WBP1L: variants seen among roughly 807,000 people sequenced by gnomAD.
WBP1L encodes the protein WW domain binding protein 1 like.
WBP1L carries 17 observed loss-of-function variants against 33.7 expected under a neutral mutation model. The ratio of observed to expected loss-of-function variants is 0.50; its 90% CI spans 0.34 to 0.76. The LOEUF (loss-of-function observed/expected upper bound fraction) is 0.76. Ranked by LOEUF, WBP1L falls within the 30% of genes least tolerant of loss-of-function variation. The probability of loss-of-function intolerance (pLI) is 0.01; values close to 1 mark genes in which losing one functional copy is unlikely to be tolerated. For synonymous variants in WBP1L, 173 were observed against 190.8 expected, an observed-to-expected ratio of 0.91 and a Z score of 0.77; for missense variants, 389 against 469.4, an observed-to-expected ratio of 0.83 and a Z score of 1.58.
At chr10:102,750,366 G>A (rs1446329142) in intron 1 of WBP1L, among the ~76,000 whole-genome samples, 1 of 151,532 alleles carries the variant, frequency 6.6e-6, no homozygotes, top group Non-Finnish European at 1.5e-5. Flanking sequence ...CTGCACTCCA[G>A]TCTGGGCGAT....
At chr10:102,781,083 G>T (rs1258491242) in intron 1 of WBP1L, among the ~76,000 whole-genome samples, 2 of 152,192 alleles carry the variant, frequency 1.3e-5, no homozygotes, top group African/African-American at 4.8e-5. Context: ...GGCCCAAGGG[G>T]CTGTTTGTAT....
intron 1 of WBP1L, among the ~76,000 whole-genome samples, chr10:102,780,354 G>A (rs1400252419): frequency 6.6e-6 from 1 of 152,136 alleles, no homozygotes; most frequent in Admixed American, 6.5e-5. Flanking sequence ...TTTATTATCT[G>A]ACAAGATCAG....
intron 2 of WBP1L, among the ~76,000 whole-genome samples, chr10:102,801,801 C>G (rs909270820): frequency 4.6e-5 from 7 of 152,112 alleles, no homozygotes; most frequent in African/African-American, 1.7e-4. Context: ...CCTGTCAGTG[C>G]TGCCCAACTC....
At position 102,813,091 on chromosome 10, in the gene WBP1L, C is replaced by T. The variant is rs561181419; in HGVS notation, c.852C>T (p.Asp284=). The T allele has an allele frequency of 1.5e-5, 24 of 1,613,900 alleles. No homozygotes were observed. In the South Asian group the frequency reaches 1.5e-4, roughly 10 times the overall value. ...GTGTGTGCAACCGGGGCCACCATGACGATGACCTCAAAGAGTTCAACACAC... is the reference window on the plus strand; with the variant it reads ...GTGTGTGCAACCGGGGCCACCATGATGATGACCTCAAAGAGTTCAACACAC... ...EVCVCNRGHH[D]DDLKEFNTLI... The change falls in exon 4 of 4, where the codon GAC becomes GAT. Residue 284 remains aspartate, a synonymous_variant. Transcript: ENST00000448841.
intron 1 of WBP1L, among the ~76,000 whole-genome samples, chr10:102,761,149 CT>C (rs1224781440): frequency 1.1e-5 from 1 of 91,722 alleles, no homozygotes; most frequent in African/African-American, 4.0e-5. Flanking sequence ...CTTTTCTTTT[CT>C]TTTTTTTGAG....
chr10:102,775,809 A>G (rs1380746525), intron 1 of WBP1L, among the ~76,000 whole-genome samples: 1 of 152,168 alleles, frequency 6.6e-6, no homozygotes, highest in African/African-American at 2.4e-5. Context: ...TGAAACTGAC[A>G]GACACTGGAC....
chr10:102,813,548 C>A lies in WBP1L; in HGVS notation c.*217C>A, dbSNP rs1843881803. 1 of 630,584 alleles carries A rather than the reference C, an allele frequency of 1.6e-6. No homozygotes were observed. The highest frequency in any genetic ancestry group is 1.8e-5 in the African/African-American group (1 of 54,434). 39.1% of individuals were successfully genotyped at this position (630,584 alleles called of 1,614,324 possible). On this transcript the variant is annotated 3_prime_UTR_variant, in exon 4 of 4. Transcript: ENST00000448841. ...CACAAGGGCACAGTGTTGTGGAGGG[C>A]TAAGTTGGTTCTGTGACTCATTCCT...
rs146865093 is a variant in WBP1L at position 102,773,128 on chromosome 10, T to G, written c.91-24865T>G. On this transcript the variant is annotated intron_variant, in intron 1 of 3. Transcript: ENST00000448841. ...CATCTTGCTTTTCAAATGGCAAAGC[T>G]GACTCCTTTGTCACTAGGTTGTAGT... is the stretch of plus-strand genomic sequence containing the variant. Among the ~76,000 whole-genome samples the G allele has an allele frequency of 1.6e-3, 248 of 152,308 alleles. 1 individual carries two copies. The highest frequency in any genetic ancestry group is 5.8e-3 in the African/African-American group (241 of 41,552).
rs997433609 is a variant in WBP1L at position 102,814,888 on chromosome 10, A to G, written c.*1557A>G. The G allele has an allele frequency of 6.6e-6, 1 of 152,590 alleles. No individual in the cohort carries two copies. The highest frequency in any genetic ancestry group is 2.4e-5 in the African/African-American group (1 of 41,434). The allele number at this position is 152,590 out of a possible 1,614,324, so 9.5% of individuals were successfully genotyped here. A position where few individuals can be genotyped will look rare whatever the true frequency, so the allele number is the denominator to read the frequency against. ...AGAAAGAAAGAAACAAACAAAATAT[A>G]TATATATATGTCCAAAAACAGACAA... is the stretch of plus-strand genomic sequence containing the variant. On this transcript the variant is annotated 3_prime_UTR_variant, in exon 4 of 4. Coordinates refer to ENST00000448841, the MANE Select transcript of WBP1L (RefSeq NM_001083913.2).
intron 2 of WBP1L, among the ~76,000 whole-genome samples, chr10:102,806,915 T>C (rs112392966): frequency 0.011 from 1,700 of 152,186 alleles, 26 homozygotes; most frequent in African/African-American, 0.039. Flanking sequence ...TTTGGAAAAT[T>C]GTGTATATAC....
chr10:102,799,055 G>A (rs893503378), intron 2 of WBP1L, among the ~76,000 whole-genome samples: 1 of 152,212 alleles, frequency 6.6e-6, no homozygotes, highest in African/African-American at 2.4e-5. Flanking sequence ...GCTGGGCACA[G>A]TAGCTCACGC....
At chr10:102,789,533 G>T (rs1325299206) in intron 1 of WBP1L, among the ~76,000 whole-genome samples, 1 of 152,134 alleles carries the variant, frequency 6.6e-6, no homozygotes, top group African/African-American at 2.4e-5. Flanking sequence ...ACTCAGAGTG[G>T]CCTTTCCTGA....
chr10:102,774,064 A>G (rs1280011350), intron 1 of WBP1L, among the ~76,000 whole-genome samples: 1 of 152,178 alleles, frequency 6.6e-6, no homozygotes, highest in East Asian at 1.9e-4. Flanking sequence ...TTCAGGTGCC[A>G]GTCTGTCTTG....
intron 1 of WBP1L, among the ~76,000 whole-genome samples, chr10:102,772,114 C>A (rs1843194696): frequency 6.6e-6 from 1 of 151,618 alleles, no homozygotes; most frequent in Non-Finnish European, 1.5e-5. Context: ...CGCCCGCCAC[C>A]ACGCTGGTTA....
At chr10:102,746,306 C>T (rs768664409) in intron 1 of WBP1L, 45 of 287,222 alleles carry the variant, frequency 1.6e-4, no homozygotes, top group Non-Finnish European at 2.2e-4. Context: ...GTACTTTGTT[C>T]CATTTGGATG....
At chr10:102,765,486 G>A (rs1474302060) in intron 1 of WBP1L, among the ~76,000 whole-genome samples, 1 of 152,028 alleles carries the variant, frequency 6.6e-6, no homozygotes, top group East Asian at 1.9e-4. Context: ...CACCCTCCTT[G>A]GCCTCCCAAA....
At chr10:102,772,112 A>C (rs1843194625) in intron 1 of WBP1L, among the ~76,000 whole-genome samples, 1 of 150,862 alleles carries the variant, frequency 6.6e-6, no homozygotes. Context: ...GGCGCCCGCC[A>C]CCACGCTGGT....
intron 1 of WBP1L, among the ~76,000 whole-genome samples, chr10:102,761,882 C>T (rs902804908): frequency 2.7e-5 from 4 of 148,704 alleles, no homozygotes; most frequent in African/African-American, 7.4e-5. Context: ...CAGTGTCTTG[C>T]TGTTGCCCAG....
chr10:102,809,517 G>A lies in WBP1L; in HGVS notation c.194-376G>A, dbSNP rs550606340. Among the ~76,000 whole-genome samples the A allele has an allele frequency of 2.6e-4, 40 of 151,614 alleles. 1 individual carries two copies. The highest frequency in any genetic ancestry group is 2.0e-4 in the Admixed American group (3 of 15,216). ...CTCCTGAGTAGCTGGGATTACAGGC[G>A]CCTGCCACCATACCTGGCTGATTTT... On this transcript the variant is annotated intron_variant, in intron 2 of 3. Coordinates refer to ENST00000448841, the MANE Select transcript of WBP1L (RefSeq NM_001083913.2).
Sources: allele counts gnomAD v4.1 joint callset (sites outside exome capture counted in the v4.1 genomes callset), GRCh38; gene constraint gnomAD v4.1.1; transcripts MANE v1.5; gene names NCBI Gene and HGNC (gene_info 2026-07-23, HGNC 2026-07-21).